PHKG2: variants seen among roughly 807,000 people sequenced by gnomAD.
PHKG2 encodes phosphorylase kinase catalytic subunit gamma 2.
A neutral mutation model predicts 44.5 loss-of-function variants in PHKG2; 28 were observed. That is an observed-to-expected ratio of 0.63 (90% CI 0.47 to 0.86). The LOEUF (loss-of-function observed/expected upper bound fraction) is 0.86, where lower values mean the gene tolerates loss of function less well. PHKG2 is among the 40% of genes least tolerant of loss of function. PHKG2 has a pLI of 0.00. For missense variants in PHKG2, 498 were observed against 547.5 expected (o/e 0.91, Z 0.90); for synonymous variants, 220 against 211.2 (o/e 1.04, Z -0.36).
rs1025073788 is a variant in PHKG2 at position 30,756,450 on chromosome 16, T to C, written c.731T>C (p.Met244Thr). 1 of 1,613,846 alleles carries C rather than the reference T, an allele frequency of 6.2e-7. No homozygotes were observed. The highest frequency in any genetic ancestry group is 1.3e-5 in the African/African-American group (1 of 74,920). The change falls in exon 8 of 10, where the codon ATG (methionine) becomes ACG (threonine). Residue 244 changes from methionine (M) to threonine (T), a missense_variant. Transcript: ENST00000563588. ...WHRRQILMLR[M>T]IMEGQYQFSS... Reference sequence around the variant, plus strand: ...CGGCGGCAGATCCTGATGTTACGCATGATCATGGAGGGCCAGTACCAGTTC... The same window carrying C: ...CGGCGGCAGATCCTGATGTTACGCACGATCATGGAGGGCCAGTACCAGTTC...
In PHKG2 at chr16:30,759,630, C is replaced by T. The variant is rs201836721; in HGVS notation, c.*2533C>T. On this transcript the variant is annotated 3_prime_UTR_variant, in exon 10 of 10. Transcript: ENST00000563588. ...CCTTGTCTGGGGATGGGTAAAGTTT[C>T]CAGAATGTTCCAGGGGAACTGACCC... 60 of 1,613,840 alleles carry T rather than the reference C, an allele frequency of 3.7e-5. No individual in the cohort carries two copies. Among genetic ancestry groups the T allele is most frequent in the Non-Finnish European group, 4.7e-5 (55 of 1,179,986 alleles).
chr16:30,757,864 G>T lies in PHKG2; in HGVS notation c.*767G>T. The T allele has an allele frequency of 1.5e-6, 2 of 1,358,186 alleles. No homozygotes were observed. The highest frequency in any genetic ancestry group is 3.3e-5 in the South Asian group (2 of 60,290). 84.1% of individuals were successfully genotyped at this position (1,358,186 alleles called of 1,614,324 possible). The stretch of plus-strand genomic sequence containing the variant: ...GCTGGACTTTGCAGCTTCAAATTCT[G>T]ATCCCTACTCAGTAGCTGTGTGACC... On this transcript the variant is annotated 3_prime_UTR_variant, in exon 10 of 10. Coordinates refer to ENST00000563588, the MANE Select transcript of PHKG2 (RefSeq NM_000294.3).
Position 30,759,090 on chromosome 16 carries a change from T to G in PHKG2, c.*1993T>G. ...ACTGCCTGCTCCTCCATCTCCTTGC[T>G]TTCTTCTTTCTCTGCAAACCAGAAG... On this transcript the variant is annotated 3_prime_UTR_variant, in exon 10 of 10. Coordinates refer to ENST00000563588, the MANE Select transcript of PHKG2 (RefSeq NM_000294.3). The G allele has an allele frequency of 6.2e-7, 1 of 1,614,220 alleles. No homozygotes were observed. Among genetic ancestry groups the G allele is most frequent in the South Asian group, 1.1e-5 (1 of 91,082 alleles).
In PHKG2 at chr16:30,758,744, G is replaced by C; in HGVS notation, c.*1647G>C. The C allele has an allele frequency of 2.0e-6, 1 of 489,982 alleles. No individual in the cohort carries two copies. Among genetic ancestry groups the C allele is most frequent in the Non-Finnish European group, 3.6e-6 (1 of 274,726 alleles). The allele number at this position is 489,982 out of a possible 1,614,324, so 30.4% of individuals were successfully genotyped here. Reference sequence around the variant, plus strand: ...CTATTTTTTGTATTTTAGTAGATAGGGGGTTTCACGGTGTTGCCCAGGCTG... The same window carrying C: ...CTATTTTTTGTATTTTAGTAGATAGCGGGTTTCACGGTGTTGCCCAGGCTG... On this transcript the variant is annotated 3_prime_UTR_variant, in exon 10 of 10. Transcript: ENST00000563588.
chr16:30,757,720 C>G lies in PHKG2; in HGVS notation c.*623C>G. The G allele has an allele frequency of 6.6e-7, 1 of 1,524,684 alleles. No individual in the cohort carries two copies. The highest frequency in any genetic ancestry group is 8.8e-7 in the Non-Finnish European group (1 of 1,137,690). The allele number at this position is 1,524,684 out of a possible 1,614,324, so 94.4% of individuals were successfully genotyped here. On this transcript the variant is annotated 3_prime_UTR_variant, in exon 10 of 10. Coordinates refer to ENST00000563588, the MANE Select transcript of PHKG2 (RefSeq NM_000294.3). ...CTGTCTGGCAATGGGGGGATGGTCC[C>G]TAGTTGGGCAAACAGTCCCCAAATT...
In PHKG2 at chr16:30,757,748, C is replaced by T; in HGVS notation, c.*651C>T. On this transcript the variant is annotated 3_prime_UTR_variant, in exon 10 of 10. Transcript: ENST00000563588. Reference sequence around the variant, plus strand: ...GTTGGGCAAACAGTCCCCAAATTTCCCCTGGTGGGGATATAGAGGTAGCAA... The same window carrying T: ...GTTGGGCAAACAGTCCCCAAATTTCTCCTGGTGGGGATATAGAGGTAGCAA... 2.0e-6 allele frequency: 3 copies of T among 1,488,966 alleles called. No individual in the cohort carries two copies. In the South Asian group the frequency reaches 4.1e-5, roughly 20 times the overall value. 92.2% of individuals were successfully genotyped at this position (1,488,966 alleles called of 1,614,324 possible). A position where few individuals can be genotyped will look rare whatever the true frequency, so the allele number is the denominator to read the frequency against.
rs2053641236 is a variant in PHKG2 at position 30,760,016 on chromosome 16, T to C, written c.*2919T>C. ...ATTAAACATTCTGAAGCAAGAGCTATTAAACATTCTAAAGCAGGTGTTATT... is the reference window on the plus strand; with the variant it reads ...ATTAAACATTCTGAAGCAAGAGCTACTAAACATTCTAAAGCAGGTGTTATT... On this transcript the variant is annotated 3_prime_UTR_variant, in exon 10 of 10. Transcript: ENST00000563588. 1.0e-5 allele frequency: 15 copies of C among 1,482,310 alleles called. No individual in the cohort carries two copies. Among genetic ancestry groups the C allele is most frequent in the Non-Finnish European group, 1.3e-5 (15 of 1,122,326 alleles). 91.8% of individuals were successfully genotyped at this position (1,482,310 alleles called of 1,614,324 possible).
chr16:30,758,378 T>G lies in PHKG2; in HGVS notation c.*1281T>G. On this transcript the variant is annotated 3_prime_UTR_variant, in exon 10 of 10. Coordinates refer to ENST00000563588, the MANE Select transcript of PHKG2 (RefSeq NM_000294.3). ...GAGCCACTGCACCTGGCCTGTTCTT[T>G]GTTTTTTTTTAACTCTTAAGTTCTG... The G allele has an allele frequency of 6.5e-6, 1 of 154,010 alleles. No individual in the cohort carries two copies. The highest frequency in any genetic ancestry group is 1.4e-5 in the Non-Finnish European group (1 of 69,208). 9.5% of individuals were successfully genotyped at this position (154,010 alleles called of 1,614,324 possible).
In PHKG2 at chr16:30,756,531, G is replaced by A. The variant is rs1176327782; in HGVS notation, c.801+11G>A. 1.9e-6 allele frequency: 3 copies of A among 1,612,608 alleles called. No individual in the cohort carries two copies. Among genetic ancestry groups the A allele is most frequent in the East Asian group, 2.2e-5 (1 of 44,906 alleles). On this transcript the variant is annotated intron_variant, in intron 8 of 9. Coordinates refer to ENST00000563588, the MANE Select transcript of PHKG2 (RefSeq NM_000294.3). ...ACTGTCAAAGACCTGGTGAGCGGGG[G>A]CTGAGAGGACAGTAGGGGAGGCCCA...
chr16:30,759,038 G>C lies in PHKG2; in HGVS notation c.*1941G>C, dbSNP rs1227897439. ...TGGCTCTGGCTCTGGTGGGGCCACTGTCTCTAGTTCCTCTTTCTGCGGGGT... is the reference window on the plus strand; with the variant it reads ...TGGCTCTGGCTCTGGTGGGGCCACTCTCTCTAGTTCCTCTTTCTGCGGGGT... On this transcript the variant is annotated 3_prime_UTR_variant, in exon 10 of 10. Coordinates refer to ENST00000563588, the MANE Select transcript of PHKG2 (RefSeq NM_000294.3). 5.6e-6 allele frequency: 9 copies of C among 1,614,088 alleles called. No homozygotes were observed. The highest frequency in any genetic ancestry group is 4.5e-5 in the East Asian group (2 of 44,902).
intron 2 of PHKG2, among the ~76,000 whole-genome samples, chr16:30,749,900 A>G (rs1328310541): frequency 6.6e-6 from 1 of 152,206 alleles, no homozygotes; most frequent in East Asian, 1.9e-4. Context: ...ATGGGATTCC[A>G]GAAAAGCACA....
intron 6 of PHKG2, chr16:30,755,042 G>C (rs1252883953): frequency 2.5e-6 from 1 of 393,032 alleles, no homozygotes; most frequent in African/African-American, 2.1e-5. Flanking sequence ...GGTTCAGAAA[G>C]TACTGGAAGA....
chr16:30,759,912 C>G lies in PHKG2; in HGVS notation c.*2815C>G. On this transcript the variant is annotated 3_prime_UTR_variant, in exon 10 of 10. Coordinates refer to ENST00000563588, the MANE Select transcript of PHKG2 (RefSeq NM_000294.3). ...TATGCCCACTGTATGGTTTTCGGCACTGAACAAGACAGACAAGGTCCTGCC... is the reference window on the plus strand; with the variant it reads ...TATGCCCACTGTATGGTTTTCGGCAGTGAACAAGACAGACAAGGTCCTGCC... 1.4e-6 allele frequency: 2 copies of G among 1,438,808 alleles called. No homozygotes were observed. Among genetic ancestry groups the G allele is most frequent in the South Asian group, 1.5e-5 (1 of 66,536 alleles). 89.1% of individuals were successfully genotyped at this position (1,438,808 alleles called of 1,614,324 possible).
intron 6 of PHKG2, among the ~76,000 whole-genome samples, chr16:30,754,451 C>T (rs1051308073): frequency 6.6e-6 from 1 of 152,164 alleles, no homozygotes; most frequent in Admixed American, 6.5e-5. Context: ...CAGGTGTGAG[C>T]ACTGTGCCTT....
At chr16:30,750,072 G>A (rs2053324696) in intron 2 of PHKG2, among the ~76,000 whole-genome samples, 1 of 152,134 alleles carries the variant, frequency 6.6e-6, no homozygotes, top group Non-Finnish European at 1.5e-5. Context: ...TTAAAACATG[G>A]CCTCAAACTC....
Position 30,758,454 on chromosome 16 carries a change from G to A in PHKG2, c.*1357G>A, listed in dbSNP as rs539823111. The A allele has an allele frequency of 1.8e-5, 3 of 163,946 alleles. No individual in the cohort carries two copies. The highest frequency in any genetic ancestry group is 1.5e-4 in the South Asian group (1 of 6,860). The allele number at this position is 163,946 out of a possible 1,614,324, so 10.2% of individuals were successfully genotyped here. On this transcript the variant is annotated 3_prime_UTR_variant, in exon 10 of 10. Coordinates refer to ENST00000563588, the MANE Select transcript of PHKG2 (RefSeq NM_000294.3). ...GCTACGTAGGTATACATGGGCCATG[G>A]TGGTTTGCTTTACCCATCAACCCAT... is the stretch of plus-strand genomic sequence containing the variant.
intron 5 of PHKG2, 31 bp downstream of exon 5, chr16:30,753,328 A>C (rs1474181769): frequency 6.2e-7 from 1 of 1,612,712 alleles, no homozygotes; most frequent in African/African-American, 1.3e-5. Flanking sequence ...CCCAGGGGTG[A>C]GCAGGGGGTG....
intron 4 of PHKG2, chr16:30,752,992 G>A (rs560127371): frequency 1.7e-5 from 10 of 578,284 alleles, no homozygotes; most frequent in Non-Finnish European, 2.5e-5. Context: ...AAATTATATT[G>A]TCACAAGAAG....
chr16:30,748,731 C>A, intron 1 of PHKG2, 72 bp from the exon 2 acceptor site: 2 of 847,770 alleles, frequency 2.4e-6, no homozygotes, highest in Non-Finnish European at 3.8e-6. Flanking sequence ...GCTGCGCCCC[C>A]GGGAGCCGCC....
Sources: allele counts gnomAD v4.1 joint callset (sites outside exome capture counted in the v4.1 genomes callset), GRCh38; gene constraint gnomAD v4.1.1; transcripts MANE v1.5; gene names NCBI Gene and HGNC (gene_info 2026-07-23, HGNC 2026-07-21).